ZNF718: variants seen among roughly 807,000 people sequenced by gnomAD.
ZNF718 encodes the protein zinc finger protein 718.
In ZNF718, 3 loss-of-function variants were observed where a neutral mutation model predicts 2.6. That is an observed-to-expected ratio of 1.16 (90% CI 0.53 to 3.01). ZNF718 has a LOEUF of 3.01. ZNF718 is among the 30% of genes most tolerant of loss of function. The probability of loss-of-function intolerance (pLI) is 0.03; values close to 1 mark genes in which losing one functional copy is unlikely to be tolerated. For synonymous variants in ZNF718, 135 were observed against 77.9 expected (o/e 1.73, Z -3.86); for missense variants, 468 against 230.0 (o/e 2.03, Z -6.69).
chr4:161,765 C>G lies in ZNF718; in HGVS notation c.1080C>G (p.Ile360Met), dbSNP rs781907136. Reference sequence around the variant, plus strand: ...CAACTCTTACGACACATAAGAGAATCCATACTGGAGAGAAACCCTACACAT... The same window carrying G: ...CAACTCTTACGACACATAAGAGAATGCATACTGGAGAGAAACCCTACACAT... ...RSTTLTTHKR[I>M]HTGEKPYTCE... The change falls in exon 4 of 4, where the codon ATC (isoleucine) becomes ATG (methionine). Residue 360 changes from isoleucine (I) to methionine (M), a missense_variant. Transcript: ENST00000510175. 1.3e-6 allele frequency: 1 copy of G among 774,838 alleles called. No individual in the cohort carries two copies. The highest frequency in any genetic ancestry group is 1.7e-5 in the African/African-American group (1 of 57,750). The allele number at this position is 774,838 out of a possible 1,614,324, so 48.0% of individuals were successfully genotyped here.
chr4:129,051 T>C (rs1231055795), intron 1 of ZNF718, among the ~76,000 whole-genome samples: 1 of 104,730 alleles, frequency 9.5e-6, no homozygotes, highest in African/African-American at 3.3e-5. Context: ...TTTGTGTTAC[T>C]TCCCTTTTAT....
downstream of ZNF718, among the ~76,000 whole-genome samples, chr4:166,033 A>G (rs2108807833): frequency 6.6e-6 from 1 of 152,114 alleles, no homozygotes; most frequent in Non-Finnish European, 1.5e-5. Context: ...CCAGTGTGTG[A>G]TGTTCCCCTT....
At chr4:146,425 A>G (rs926840310) in intron 3 of ZNF718, among the ~76,000 whole-genome samples, 1 of 152,068 alleles carries the variant, frequency 6.6e-6, no homozygotes, top group Non-Finnish European at 1.5e-5. Flanking sequence ...GTTCCCTTAT[A>G]TGAGAAGAAT....
In ZNF718 at chr4:198,612, C is replaced by T. The variant is rs182029413; in HGVS notation, c.227-2469C>T. ...TGGGCCCCAGCCAAGGATTTGACAT[C>T]ACCTTATTTGCCTACTATAGGGATG... On this transcript the variant is annotated intron_variant and NMD_transcript_variant, in intron 3 of 4. Transcript: ENST00000642529. Among the ~76,000 whole-genome samples the T allele has an allele frequency of 1.8e-3, 267 of 152,308 alleles. 1 individual carries two copies. The highest frequency in any genetic ancestry group is 5.9e-3 in the African/African-American group (244 of 41,566).
At chr4:177,730 C>G (rs1717379489) in intron 3 of ZNF718, among the ~76,000 whole-genome samples, 2 of 152,144 alleles carry the variant, frequency 1.3e-5, no homozygotes, top group African/African-American at 2.4e-5. Flanking sequence ...TGGAGGATAT[C>G]TTTCCCTGAC....
rs1312613284 is a variant in ZNF718, at chr4:128,054, C to A, written c.4-2734C>A. 5.8e-5 allele frequency among the ~76,000 whole-genome samples: 6 copies of A among 103,826 alleles called. 3 individuals carry two copies. Among genetic ancestry groups the A allele is most frequent in the Non-Finnish European group, 1.3e-4 (6 of 46,634 alleles). The allele number at this position is 103,826 out of a possible 152,430, so 68.1% of individuals were successfully genotyped here. A position where few individuals can be genotyped will look rare whatever the true frequency, so the allele number is the denominator to read the frequency against. ...TATTCTTAAGAATGTGTTGAAGGAG[C>A]CTCCATGAGGTGATCTCTCCTCTGG... On this transcript the variant is annotated intron_variant, in intron 1 of 3. Transcript: ENST00000510175.
intron 3 of ZNF718, among the ~76,000 whole-genome samples, chr4:160,306 G>A (rs1053997382): frequency 1.4e-4 from 21 of 152,154 alleles, no homozygotes; most frequent in Non-Finnish European, 1.9e-4. Flanking sequence ...GTGGGTAAAT[G>A]TAACATACTT....
In ZNF718 at chr4:163,344, A is replaced by G. The variant is rs1463105374; in HGVS notation, c.*1222A>G. 3.3e-5 allele frequency: 5 copies of G among 152,010 alleles called. No homozygotes were observed. Among genetic ancestry groups the G allele is most frequent in the African/African-American group, 1.2e-4 (5 of 41,374 alleles). 9.4% of individuals were successfully genotyped at this position (152,010 alleles called of 1,614,324 possible). A position where few individuals can be genotyped will look rare whatever the true frequency, so the allele number is the denominator to read the frequency against. ...GCTGGGACTACAGGCGCCCGCCACT[A>G]CGCCCGGCTAATTTTTTGTATTTTT... is the stretch of plus-strand genomic sequence containing the variant. On this transcript the variant is annotated 3_prime_UTR_variant, in exon 4 of 4. Coordinates refer to ENST00000510175, the MANE Select transcript of ZNF718 (RefSeq NM_001039127.6).
intron 3 of ZNF718, among the ~76,000 whole-genome samples, chr4:192,543 C>A (rs61794967): frequency 0.13 from 20,065 of 152,086 alleles, 1,726 homozygotes; most frequent in Admixed American, 0.24. Context: ...TCCTGTCTCT[C>A]AGTCCCCCCT....
intron 3 of ZNF718, among the ~76,000 whole-genome samples, chr4:197,978 G>A (rs780546250): frequency 6.6e-6 from 1 of 152,184 alleles, no homozygotes; most frequent in African/African-American, 2.4e-5. Context: ...AAATGAGAAT[G>A]AGGAGATGAC....
intron 3 of ZNF718, among the ~76,000 whole-genome samples, chr4:159,229 G>C (rs566123021): frequency 1.3e-5 from 2 of 151,700 alleles, no homozygotes; most frequent in South Asian, 2.1e-4. Context: ...GTAGAGACAG[G>C]GTTTCACCAT....
rs370854330 is a variant in ZNF718 at position 124,597 on chromosome 4, C to G, written c.-74C>G. ...CTCGGTGATTCTGCCACAGCCTCAG[C>G]CTCTGTGGCTCTGTGACCTGCCGGT... On this transcript the variant is annotated 5_prime_UTR_variant, in exon 1 of 4. Coordinates refer to ENST00000510175, the MANE Select transcript of ZNF718 (RefSeq NM_001039127.6). The G allele has an allele frequency of 7.6e-6, 12 of 1,577,970 alleles. No individual in the cohort carries two copies. Among genetic ancestry groups the G allele is most frequent in the Non-Finnish European group, 9.5e-6 (11 of 1,158,360 alleles).
intron 3 of ZNF718, among the ~76,000 whole-genome samples, chr4:158,307 T>G (rs565644762): frequency 2.0e-5 from 3 of 152,290 alleles, no homozygotes; most frequent in Admixed American, 6.5e-5. Context: ...CTTGTTTTTT[T>G]AATTGTTAAA....
intron 3 of ZNF718, among the ~76,000 whole-genome samples, chr4:178,004 A>AAAC (rs1351739668): frequency 2.6e-5 from 4 of 152,128 alleles, no homozygotes; most frequent in African/African-American, 9.7e-5. Context: ...GAATACCCTG[A>AAAC]AACACCCCTT....
intron 3 of ZNF718, among the ~76,000 whole-genome samples, chr4:196,117 T>C (rs1553821955): frequency 2.6e-5 from 4 of 152,146 alleles, no homozygotes; most frequent in African/African-American, 9.7e-5. Flanking sequence ...TAGACCCAGT[T>C]CCAGTTGTTA....
At chr4:182,153 C>CA (rs1717479850) in intron 3 of ZNF718, among the ~76,000 whole-genome samples, 1 of 152,022 alleles carries the variant, frequency 6.6e-6, no homozygotes, top group African/African-American at 2.4e-5. Flanking sequence ...TATAATGAAA[C>CA]AATTTATAAT....
chr4:193,565 A>G (rs554778890), intron 3 of ZNF718, among the ~76,000 whole-genome samples: 1 of 152,298 alleles, frequency 6.6e-6, no homozygotes, highest in East Asian at 1.9e-4. Context: ...TGAAAAGAGT[A>G]AAGTTCCTCA....
intron 3 of ZNF718, among the ~76,000 whole-genome samples, chr4:181,833 C>T (rs899382341): frequency 1.4e-4 from 22 of 152,114 alleles, no homozygotes; most frequent in Admixed American, 2.6e-4. Flanking sequence ...CTTCCATACT[C>T]AGGCCCCAGT....
At chr4:141,138 A>T (rs1715793812) in intron 3 of ZNF718, among the ~76,000 whole-genome samples, 1 of 152,096 alleles carries the variant, frequency 6.6e-6, no homozygotes, top group Non-Finnish European at 1.5e-5. Flanking sequence ...TTTAACATGT[A>T]ATTCTGTATA....
Sources: gnomAD v4.1 joint callset for allele counts (sites outside exome capture counted in the v4.1 genomes callset) on GRCh38, gnomAD v4.1.1 for gene constraint, MANE v1.5 for transcripts, NCBI Gene and HGNC (gene_info 2026-07-23, HGNC 2026-07-21) for gene names.